Variants in SDK1 observed in about 807,000 individuals in gnomAD.
SDK1 encodes protein sidekick-1.
In SDK1, 157 loss-of-function variants were observed where a neutral mutation model predicts 245.5. The ratio of observed to expected loss-of-function variants is 0.64; its 90% CI spans 0.56 to 0.73. SDK1 has a LOEUF of 0.73. Ranked by LOEUF, SDK1 falls within the 30% of genes least tolerant of loss-of-function variation. The pLI, the probability that SDK1 is intolerant of heterozygous loss-of-function variation, is 0.00. For synonymous variants in SDK1, 1,647 were observed against 1,278.5 expected (o/e 1.29, Z -6.15); for missense variants, 3,583 against 3,002.3 (o/e 1.19, Z -4.52).
intron 28 of SDK1, among the ~76,000 whole-genome samples, chr7:4,141,681 G>A (rs1455442357): frequency 6.6e-6 from 1 of 152,172 alleles, no homozygotes; most frequent in African/African-American, 2.4e-5. Flanking sequence ...GAAGGCCCTC[G>A]TTAGTCGTCT....
intron 1 of SDK1, among the ~76,000 whole-genome samples, chr7:3,308,697 C>G (rs1779479006): frequency 6.6e-6 from 1 of 151,982 alleles, no homozygotes; most frequent in Non-Finnish European, 1.5e-5. Context: ...GTTGTGGGTT[C>G]AAAGAATGGG....
chr7:3,595,024 G>T (rs1294396955), intron 1 of SDK1, among the ~76,000 whole-genome samples: 7 of 152,230 alleles, frequency 4.6e-5, no homozygotes, highest in South Asian at 2.1e-4. Context: ...AACAAAAATG[G>T]GTGATTGGAA....
intron 4 of SDK1, among the ~76,000 whole-genome samples, chr7:3,674,048 CCATTAAGG>C (rs1783808957): frequency 6.6e-6 from 1 of 151,986 alleles, no homozygotes; most frequent in Admixed American, 6.6e-5. Context: ...GTCTTGAAGT[CCATTAAGG>C]CATAGAAGAG....
intron 1 of SDK1, among the ~76,000 whole-genome samples, chr7:3,615,096 G>T (rs540722382): frequency 3.3e-5 from 5 of 151,648 alleles, no homozygotes; most frequent in African/African-American, 1.2e-4. Context: ...TCAGATTTTT[G>T]AGTTTCTATC....
chr7:3,713,181 G>C (rs948034449), intron 4 of SDK1, among the ~76,000 whole-genome samples: 1 of 152,234 alleles, frequency 6.6e-6, no homozygotes, highest in Non-Finnish European at 1.5e-5. Flanking sequence ...TCAAAGCTGA[G>C]TCCGGCTGCT....
intron 1 of SDK1, among the ~76,000 whole-genome samples, chr7:3,583,416 T>C (rs1000770368): frequency 6.6e-6 from 1 of 152,204 alleles, no homozygotes; most frequent in Non-Finnish European, 1.5e-5. Context: ...AGCTTCTGTT[T>C]GGAACAGTAT....
At chr7:3,798,405 G>C (rs113352846) in intron 4 of SDK1, among the ~76,000 whole-genome samples, 23,971 of 151,760 alleles carry the variant, frequency 0.16, 2,062 homozygotes, top group Middle Eastern at 0.3. Context: ...TTTTAGTAGA[G>C]ACAGGGTTTC....
At chr7:3,319,504 T>A (rs909804891) in intron 1 of SDK1, among the ~76,000 whole-genome samples, 4 of 152,206 alleles carry the variant, frequency 2.6e-5, no homozygotes, top group African/African-American at 9.6e-5. Flanking sequence ...TTTCTTTTTA[T>A]TATCTCCTCA....
intron 40 of SDK1, among the ~76,000 whole-genome samples, chr7:4,226,201 G>A (rs895438661): frequency 2.6e-5 from 4 of 152,206 alleles, no homozygotes; most frequent in Non-Finnish European, 4.4e-5. Flanking sequence ...TGCTCCAGGT[G>A]CAATGAATGG....
chr7:4,055,649 T>C (rs1254429763), intron 19 of SDK1, among the ~76,000 whole-genome samples: 5 of 152,118 alleles, frequency 3.3e-5, no homozygotes, highest in African/African-American at 1.2e-4. Flanking sequence ...TTCTGCTCTT[T>C]ATAATTTCCT....
chr7:3,479,370 C>T (rs1412378579), intron 1 of SDK1, among the ~76,000 whole-genome samples: 5 of 144,158 alleles, frequency 3.5e-5, no homozygotes, highest in African/African-American at 7.8e-5. Flanking sequence ...TGCAGTGAGC[C>T]GATATTGTGC....
intron 1 of SDK1, among the ~76,000 whole-genome samples, chr7:3,385,706 C>T (rs1194925467): frequency 6.6e-6 from 1 of 152,108 alleles, no homozygotes. Flanking sequence ...ACTTTATTTT[C>T]CTTTATAATT....
chr7:3,847,970 C>G (rs552131522), intron 5 of SDK1, among the ~76,000 whole-genome samples: 159 of 152,132 alleles, frequency 1.0e-3, no homozygotes, highest in Admixed American at 4.0e-3. Context: ...AGTTATTAAT[C>G]ATACTATCGT....
At position 3,939,890 on chromosome 7, in the gene SDK1, G is replaced by A. The variant is rs566883855; in HGVS notation, c.848-11033G>A. Among the ~76,000 whole-genome samples, 4 of 152,288 alleles carry A rather than the reference G, an allele frequency of 2.6e-5. No homozygotes were observed. The South Asian group carries it at 8.3e-4, about 32-fold the overall frequency. ...TGACAGTCTTCACGTAGTCCCAAAG[G>A]CAATTAATAAGCAAAAAACTTACCT... On this transcript the variant is annotated intron_variant, in intron 5 of 44. Coordinates refer to ENST00000404826, the MANE Select transcript of SDK1 (RefSeq NM_152744.4).
At chr7:3,873,705 C>T (rs1317971562) in intron 5 of SDK1, among the ~76,000 whole-genome samples, 1 of 152,084 alleles carries the variant, frequency 6.6e-6, no homozygotes, top group East Asian at 1.9e-4. Context: ...GTTCAGTAGT[C>T]TTTTCAAGTC....
chr7:4,015,636 G>A (rs1314440825), intron 16 of SDK1, among the ~76,000 whole-genome samples: 5 of 152,112 alleles, frequency 3.3e-5, no homozygotes, highest in South Asian at 4.2e-4. Context: ...GGTGCAGGTC[G>A]TTCAGTAAAG....
At chr7:4,126,687 T>A (rs1784408831) in intron 25 of SDK1, among the ~76,000 whole-genome samples, 1 of 152,366 alleles carries the variant, frequency 6.6e-6, no homozygotes, top group Non-Finnish European at 1.5e-5. Context: ...ACCACTGCTC[T>A]CCAGTCTGAA....
Position 4,011,164 on chromosome 7 carries a change from T to C in SDK1, c.2279+51T>C, listed in dbSNP as rs368559151. 4 of 1,593,592 alleles carry C rather than the reference T, an allele frequency of 2.5e-6. No individual in the cohort carries two copies. The African/African-American group carries it at 5.4e-5, about 21-fold the overall frequency. ...GGTGTGGAACAGCCGGGGGCCTGAA[T>C]GCCAAAGAGAAGCATCACATTATGT... On this transcript the variant is annotated intron_variant, in intron 15 of 44. Coordinates refer to ENST00000404826, the MANE Select transcript of SDK1 (RefSeq NM_152744.4).
chr7:3,747,671 G>C (rs1468384338), intron 4 of SDK1, among the ~76,000 whole-genome samples: 1 of 151,546 alleles, frequency 6.6e-6, no homozygotes, highest in Non-Finnish European at 1.5e-5. Context: ...CTGAGGGCCT[G>C]TAACTAGAGG....
Sources: allele counts gnomAD v4.1 joint callset (sites outside exome capture counted in the v4.1 genomes callset), GRCh38; gene constraint gnomAD v4.1.1; transcripts MANE v1.5; gene names NCBI Gene and HGNC (gene_info 2026-07-23, HGNC 2026-07-21).